Variants in CAMTA1 observed in about 807,000 individuals in gnomAD.
CAMTA1 encodes calmodulin-binding transcription activator 1.
In CAMTA1, 27 loss-of-function variants were observed where a neutral mutation model predicts 170.9. That is an observed-to-expected ratio of 0.16 (90% CI 0.12 to 0.22). The LOEUF (loss-of-function observed/expected upper bound fraction) is 0.22. CAMTA1 is among the 10% of genes least tolerant of loss of function. The pLI is 1.00. For synonymous variants in CAMTA1, 833 were observed against 891.5 expected (o/e 0.93, Z 1.17); for missense variants, 1,619 against 2,217.2 (o/e 0.73, Z 5.42).
chr1:7,296,382 G>A (rs921837873), intron 5 of CAMTA1, among the ~76,000 whole-genome samples: 2 of 152,194 alleles, frequency 1.3e-5, no homozygotes, highest in African/African-American at 2.4e-5. Flanking sequence ...TACCACAGTG[G>A]ACCATTGCTC....
At chr1:7,604,419 T>C (rs560614925) in intron 6 of CAMTA1, among the ~76,000 whole-genome samples, 1 of 152,332 alleles carries the variant, frequency 6.6e-6, no homozygotes, top group East Asian at 1.9e-4. Flanking sequence ...TCTCGCTTCA[T>C]TTCATTCATT....
chr1:7,095,135 C>T (rs996955597), intron 4 of CAMTA1, among the ~76,000 whole-genome samples: 6 of 149,082 alleles, frequency 4.0e-5, no homozygotes, highest in South Asian at 4.2e-4. Context: ...CTGTGTCTGT[C>T]GCAGTTGCCT....
chr1:7,230,444 C>CCA (rs1662557582), intron 4 of CAMTA1, among the ~76,000 whole-genome samples: 5 of 74,548 alleles, frequency 6.7e-5, no homozygotes, highest in Admixed American at 3.4e-4. Context: ...CCCCCCCCCC[C>CCA]GCCCCGCAAA....
At chr1:7,535,495 C>T (rs976673174) in intron 6 of CAMTA1, among the ~76,000 whole-genome samples, 1 of 152,186 alleles carries the variant, frequency 6.6e-6, no homozygotes, top group African/African-American at 2.4e-5. Context: ...GTCTGGGCTG[C>T]GAGCATGGCC....
At chr1:7,690,381 C>A (rs981883921) in intron 11 of CAMTA1, among the ~76,000 whole-genome samples, 1 of 152,198 alleles carries the variant, frequency 6.6e-6, no homozygotes, top group African/African-American at 2.4e-5. Flanking sequence ...ATCAGCAGAT[C>A]GGGAGGTACC....
intron 1 of CAMTA1, among the ~76,000 whole-genome samples, chr1:6,810,899 G>A (rs1044574086): frequency 2.6e-5 from 4 of 152,180 alleles, no homozygotes; most frequent in African/African-American, 9.7e-5. Flanking sequence ...GGGATTAGAA[G>A]GCATTATAAC....
chr1:6,939,368 G>A (rs1008613132), intron 3 of CAMTA1, among the ~76,000 whole-genome samples: 1 of 152,170 alleles, frequency 6.6e-6, no homozygotes, highest in African/African-American at 2.4e-5. Context: ...TATGGGTTGT[G>A]CATTTCATAA....
chr1:7,259,054 C>T (rs1407083649), intron 5 of CAMTA1, among the ~76,000 whole-genome samples: 1 of 152,098 alleles, frequency 6.6e-6, no homozygotes, highest in Non-Finnish European at 1.5e-5. Flanking sequence ...AAAGAAGGAA[C>T]GAGCTCCTCA....
At chr1:6,902,803 A>G (rs1677420522) in intron 3 of CAMTA1, among the ~76,000 whole-genome samples, 2 of 152,246 alleles carry the variant, frequency 1.3e-5, no homozygotes, top group South Asian at 2.1e-4. Flanking sequence ...AAAAAAGACT[A>G]TCAACATGAA....
chr1:7,506,390 C>CG (rs1283364755), intron 6 of CAMTA1, among the ~76,000 whole-genome samples: 4 of 152,286 alleles, frequency 2.6e-5, no homozygotes, highest in Admixed American at 6.5e-5. Context: ...AACCCACCAC[C>CG]GGACACCTGT....
chr1:6,794,721 C>G (rs1642013261), intron 1 of CAMTA1, among the ~76,000 whole-genome samples: 1 of 152,066 alleles, frequency 6.6e-6, no homozygotes, highest in Admixed American at 6.6e-5. Flanking sequence ...TAAATTGTGT[C>G]TAAACTTTAC....
intron 3 of CAMTA1, among the ~76,000 whole-genome samples, chr1:6,893,418 T>C (rs1275853062): frequency 6.6e-6 from 1 of 152,202 alleles, no homozygotes; most frequent in Non-Finnish European, 1.5e-5. Context: ...GTTTCAGATG[T>C]CACTTGAGAA....
chr1:7,067,021 G>T lies in CAMTA1; in HGVS notation c.235-24283G>T, dbSNP rs965742911. Among the ~76,000 whole-genome samples the T allele has an allele frequency of 8.5e-5, 13 of 152,244 alleles. No individual in the cohort carries two copies. Among genetic ancestry groups the T allele is most frequent in the Non-Finnish European group, 1.2e-4 (8 of 68,046 alleles). The stretch of plus-strand genomic sequence containing the variant: ...GTAAGCAGTTGACTCCTGCTGGATG[G>T]GCACATAAACTGGGTGTCATGTTAT... On this transcript the variant is annotated intron_variant, in intron 3 of 22. Transcript: ENST00000303635. The surrounding 1 kb of genome is among the most constrained non-coding windows in gnomAD (Gnocchi z 4.3).
intron 6 of CAMTA1, among the ~76,000 whole-genome samples, chr1:7,594,242 A>G (rs12070073): frequency 0.023 from 2,891 of 123,786 alleles, 79 homozygotes; most frequent in African/African-American, 0.054. Context: ...AGGAAGGAAG[A>G]AAGAAAAGAA....
At chr1:7,298,874 A>G (rs1674358343) in intron 5 of CAMTA1, among the ~76,000 whole-genome samples, 1 of 152,160 alleles carries the variant, frequency 6.6e-6, no homozygotes, top group Non-Finnish European at 1.5e-5. Flanking sequence ...TTAAGACAGA[A>G]CAGTCCCGAG....
chr1:7,467,365 C>T (rs571296449), intron 5 of CAMTA1, among the ~76,000 whole-genome samples: 2 of 152,292 alleles, frequency 1.3e-5, no homozygotes, highest in South Asian at 2.1e-4. Flanking sequence ...GGGCTCGTAC[C>T]GGCCAGGGCC....
chr1:7,611,260 G>T (rs545312709), intron 6 of CAMTA1, among the ~76,000 whole-genome samples: 2 of 152,288 alleles, frequency 1.3e-5, no homozygotes, highest in Non-Finnish European at 2.9e-5. Flanking sequence ...TTGATATTTT[G>T]TTCATTGTGG....
chr1:7,352,028 C>T (rs4908624), intron 5 of CAMTA1, among the ~76,000 whole-genome samples: 35,575 of 152,064 alleles, frequency 0.23, 4,240 homozygotes, highest in Middle Eastern at 0.46. Context: ...ATCGGGAAAG[C>T]GCCAGGTCCA....
In CAMTA1 at chr1:7,569,582, T is replaced by A. The variant is rs376368334; in HGVS notation, c.511-70818T>A. Among the ~76,000 whole-genome samples, 22 of 151,244 alleles carry A rather than the reference T, an allele frequency of 1.5e-4. 1 individual carries two copies. In the East Asian group the frequency reaches 3.5e-3, roughly 24 times the overall value. Reference sequence around the variant, plus strand: ...CAACATCACCATCTTCATCATCACATCACCATCATCATCAGTGTCATCACC... The same window carrying A: ...CAACATCACCATCTTCATCATCACAACACCATCATCATCAGTGTCATCACC... On this transcript the variant is annotated intron_variant, in intron 6 of 22. Transcript: ENST00000303635.
Sources: gnomAD v4.1 joint callset for allele counts (sites outside exome capture counted in the v4.1 genomes callset) on GRCh38, gnomAD v4.1.1 for gene constraint, Gnocchi (gnomAD v3.1) non-coding constraint, MANE v1.5 for transcripts, NCBI Gene and HGNC (gene_info 2026-07-23, HGNC 2026-07-21) for gene names.